Variants in ATP2B1 observed in about 807,000 individuals in gnomAD.
The protein encoded by ATP2B1 is plasma membrane calcium-transporting ATPase 1.
ATP2B1 carries 14 observed loss-of-function variants against 124.2 expected under a neutral mutation model. That is an observed-to-expected ratio of 0.11 (90% CI 0.07 to 0.18). ATP2B1 has a LOEUF of 0.18. Among genes scored for constraint, ATP2B1 ranks in the 10% least tolerant of loss-of-function variants. ATP2B1 has a pLI of 1.00. For missense variants in ATP2B1, 763 were observed against 1,466.1 expected (o/e 0.52, Z 7.83); for synonymous variants, 449 against 492.4 (o/e 0.91, Z 1.17).
chr12:89,650,165 T>C (rs1005590326), intron 2 of ATP2B1, among the ~76,000 whole-genome samples: 5 of 152,132 alleles, frequency 3.3e-5, no homozygotes, highest in Admixed American at 1.3e-4. Context: ...GGTGGACCTA[T>C]AGCAGCAGCC....
intron 1 of ATP2B1, 24 bp from the exon 2 acceptor site, chr12:89,656,131 G>C (rs1885924994): frequency 2.3e-6 from 1 of 430,244 alleles, no homozygotes; most frequent in South Asian, 8.3e-5. Flanking sequence ...ATATTTAAAA[G>C]TTAATAAAAT....
intron 1 of ATP2B1, among the ~76,000 whole-genome samples, chr12:89,667,485 G>A (rs931451172): frequency 1.3e-5 from 2 of 152,116 alleles, no homozygotes; most frequent in Admixed American, 6.6e-5. Context: ...CAAGTGCCAG[G>A]CCATGTTCTG....
chr12:89,601,253 TA>T, intron 19 of ATP2B1, 72 bp downstream of exon 19: 1 of 1,062,440 alleles, frequency 9.4e-7, no homozygotes, highest in Non-Finnish European at 1.4e-6. Context: ...ATGAAACTGT[TA>T]AAGAAAATAC....
chr12:89,680,869 T>C (rs1227900368), intron 1 of ATP2B1, among the ~76,000 whole-genome samples: 1 of 151,986 alleles, frequency 6.6e-6, no homozygotes, highest in Non-Finnish European at 1.5e-5. Flanking sequence ...GTAAGAAAAC[T>C]AGACTTCAAA....
rs1202109769 is a variant in ATP2B1, at chr12:89,677,475, G to A, written c.-221-21368C>T. On this transcript the variant is annotated intron_variant, in intron 1 of 20. Transcript: ENST00000428670. Reference sequence around the variant, plus strand: ...CTGATTCACCACACTTTAAATGGAAGAACACAAGACCAAGCTTATAATGAA... The same window carrying A: ...CTGATTCACCACACTTTAAATGGAAAAACACAAGACCAAGCTTATAATGAA... Among the ~76,000 whole-genome samples, 10 of 152,124 alleles carry A rather than the reference G, an allele frequency of 6.6e-5. No individual in the cohort carries two copies. In the East Asian group the frequency reaches 1.9e-3, roughly 29 times the overall value.
chr12:89,696,771 T>C (rs1891183736), intron 1 of ATP2B1, among the ~76,000 whole-genome samples: 1 of 152,306 alleles, frequency 6.6e-6, no homozygotes, highest in East Asian at 1.9e-4. Context: ...CCTTTTCATC[T>C]CTTTCTATAG....
intron 1 of ATP2B1, among the ~76,000 whole-genome samples, chr12:89,682,957 CATAAA>C (rs768984975): frequency 2.0e-5 from 3 of 151,924 alleles, no homozygotes; most frequent in South Asian, 2.1e-4. Flanking sequence ...TTCCCTAATA[CATAAA>C]ATAAATGTTT....
intron 1 of ATP2B1, among the ~76,000 whole-genome samples, chr12:89,668,789 C>A (rs768201918): frequency 1.3e-5 from 2 of 152,172 alleles, no homozygotes; most frequent in Non-Finnish European, 2.9e-5. Context: ...AAATCAGCAT[C>A]CCTTCTCTCA....
At chr12:89,613,140 C>T (rs933458674) in intron 12 of ATP2B1, among the ~76,000 whole-genome samples, 1 of 152,016 alleles carries the variant, frequency 6.6e-6, no homozygotes, top group African/African-American at 2.4e-5. Context: ...CCACCATGCA[C>T]AGCTAATTTT....
At chr12:89,699,477 G>T (rs193257893) in intron 1 of ATP2B1, among the ~76,000 whole-genome samples, 2 of 152,256 alleles carry the variant, frequency 1.3e-5, no homozygotes, top group African/African-American at 4.8e-5. Context: ...ACAGAATAAA[G>T]AAATAAATGG....
intron 1 of ATP2B1, among the ~76,000 whole-genome samples, chr12:89,707,575 G>C (rs2136929943): frequency 6.6e-6 from 1 of 152,306 alleles, no homozygotes; most frequent in South Asian, 2.1e-4. Context: ...GCTGTCTGCA[G>C]CGCTCTAACC....
intron 1 of ATP2B1, among the ~76,000 whole-genome samples, chr12:89,704,494 C>A (rs1023825340): frequency 6.6e-6 from 1 of 151,966 alleles, no homozygotes; most frequent in Non-Finnish European, 1.5e-5. Flanking sequence ...CTTACATAAA[C>A]GTGTATAATG....
chr12:89,673,657 C>G (rs1407183151), intron 1 of ATP2B1, among the ~76,000 whole-genome samples: 1 of 152,182 alleles, frequency 6.6e-6, no homozygotes, highest in African/African-American at 2.4e-5. Flanking sequence ...CCCAACATTT[C>G]TACCTGATAG....
At chr12:89,610,569 T>C in intron 13 of ATP2B1, 61 bp from the exon 14 acceptor site, 5 of 1,327,156 alleles carry the variant, frequency 3.8e-6, no homozygotes, top group South Asian at 1.2e-5. Flanking sequence ...CCTAATGAGC[T>C]ATCTGGCATA....
chr12:89,609,763 C>T (rs1043535894), intron 15 of ATP2B1, among the ~76,000 whole-genome samples, 174 bp downstream of exon 15: 3 of 152,114 alleles, frequency 2.0e-5, no homozygotes, highest in African/African-American at 7.2e-5. Context: ...TCAAATAAAG[C>T]TAATGCATAA....
intron 1 of ATP2B1, among the ~76,000 whole-genome samples, chr12:89,694,990 C>T (rs1326201036): frequency 3.4e-5 from 5 of 145,106 alleles, no homozygotes; most frequent in East Asian, 4.2e-4. Flanking sequence ...CCAGAGAGAT[C>T]GAGTCTGCAG....
rs769832772 is a variant in ATP2B1 at position 89,599,195 on chromosome 12, T to C, written c.3273A>G (p.Glu1091=). 30 of 1,614,090 alleles carry C rather than the reference T, an allele frequency of 1.9e-5. No individual in the cohort carries two copies. Among genetic ancestry groups the C allele is most frequent in the Non-Finnish European group, 2.5e-5 (29 of 1,180,044 alleles). The change falls in exon 20 of 21, where the codon GAA becomes GAG. Residue 1091 remains glutamate, a synonymous_variant. Coordinates refer to ENST00000428670, the MANE Select transcript of ATP2B1 (RefSeq NM_001366521.1). ...ACTCCCTTTCAGCGTGATCAATCTCTTCAACATCCTCTGCTAATTCCTCCT... is the reference window on the plus strand; with the variant it reads ...ACTCCCTTTCAGCGTGATCAATCTCCTCAACATCCTCTGCTAATTCCTCCT... ...IPEEELAEDV[E]EIDHAERELR...
At chr12:89,629,279 A>C (rs1416961907) in intron 6 of ATP2B1, among the ~76,000 whole-genome samples, 1 of 152,310 alleles carries the variant, frequency 6.6e-6, no homozygotes, top group Middle Eastern at 3.4e-3. Context: ...CAAATTATAT[A>C]ATCTCCGTAA....
chr12:89,625,081 A>G (rs2897825), intron 8 of ATP2B1, among the ~76,000 whole-genome samples: 144,615 of 151,924 alleles, frequency 0.95, 68,899 homozygotes, highest in East Asian at 0.99. Context: ...GAGACCAGCC[A>G]AACATGGTGA....
Sources: allele counts gnomAD v4.1 joint callset (sites outside exome capture counted in the v4.1 genomes callset), GRCh38; gene constraint gnomAD v4.1.1; transcripts MANE v1.5; gene names NCBI Gene and HGNC (gene_info 2026-07-23, HGNC 2026-07-21).